Variants in WDR70 observed in about 807,000 individuals in gnomAD.
WDR70 encodes the protein WD repeat domain 70, also known as WD repeat-containing protein 70.
WDR70 carries 53 observed loss-of-function variants against 88.6 expected under a neutral mutation model. The observed-to-expected ratio is 0.60, with a 90% CI of 0.48 to 0.75. The LOEUF (loss-of-function observed/expected upper bound fraction) is 0.75, where lower values mean the gene tolerates loss of function less well. WDR70 is among the 30% of genes least tolerant of loss of function. The pLI, the probability that WDR70 is intolerant of heterozygous loss-of-function variation, is 0.00. For synonymous variants in WDR70, 280 were observed against 270.0 expected (o/e 1.04, Z -0.36); for missense variants, 610 against 823.2 (o/e 0.74, Z 3.17).
chr5:37,539,966 CA>C (rs1446396793), intron 9 of WDR70, among the ~76,000 whole-genome samples: 2 of 152,100 alleles, frequency 1.3e-5, no homozygotes, highest in Non-Finnish European at 2.9e-5. Context: ...TTGGAGATTT[CA>C]GTTGAAAAAA....
At chr5:37,689,266 G>A (rs924432681) in intron 10 of WDR70, among the ~76,000 whole-genome samples, 4 of 152,208 alleles carry the variant, frequency 2.6e-5, no homozygotes, top group Non-Finnish European at 4.4e-5. Flanking sequence ...GGGCATAGCT[G>A]AACAAAAGGC....
intron 13 of WDR70, 127 bp from the exon 14 acceptor site, chr5:37,720,988 G>C (rs1747794312): frequency 1.3e-6 from 1 of 761,850 alleles, no homozygotes; most frequent in Non-Finnish European, 2.2e-6. Flanking sequence ...AAAAGAAAAT[G>C]TCTGAAAGTT....
chr5:37,477,756 C>T (rs926251383), intron 7 of WDR70, among the ~76,000 whole-genome samples: 6 of 152,272 alleles, frequency 3.9e-5, no homozygotes, highest in African/African-American at 9.6e-5. Flanking sequence ...GAGATATTCT[C>T]CTCATCTCCT....
intron 17 of WDR70, among the ~76,000 whole-genome samples, chr5:37,728,030 A>C (rs905200261): frequency 6.6e-6 from 1 of 152,098 alleles, no homozygotes; most frequent in African/African-American, 2.4e-5. Flanking sequence ...AATTATCAAA[A>C]CTATAAAACT....
chr5:37,395,992 T>G (rs1288151358), intron 4 of WDR70, among the ~76,000 whole-genome samples: 1 of 152,040 alleles, frequency 6.6e-6, no homozygotes, highest in Admixed American at 6.6e-5. Flanking sequence ...AGAAACAGGG[T>G]CTCGTGATGT....
At chr5:37,603,743 G>A (rs938726341) in intron 9 of WDR70, among the ~76,000 whole-genome samples, 10 of 151,954 alleles carry the variant, frequency 6.6e-5, no homozygotes, top group African/African-American at 2.2e-4. Context: ...TTATCACATT[G>A]CTTTGATTTC....
At position 37,721,400 on chromosome 5, in the gene WDR70, C is replaced by G. The variant is rs1046499385; in HGVS notation, c.1517+185C>G. The G allele has an allele frequency of 8.3e-6, 5 of 601,286 alleles. No homozygotes were observed. In the Admixed American group the frequency reaches 1.2e-4, roughly 14 times the overall value. 37.2% of individuals were successfully genotyped at this position (601,286 alleles called of 1,614,324 possible). A position where few individuals can be genotyped will look rare whatever the true frequency, so the allele number is the denominator to read the frequency against. On this transcript the variant is annotated intron_variant, in intron 14 of 17. Coordinates refer to ENST00000265107, the MANE Select transcript of WDR70 (RefSeq NM_018034.4). Reference sequence around the variant, plus strand: ...CTTTAAAAAGGATTTGAATATTGCCCTTGATCCACACTGAATTCAAAGCGA... The same window carrying G: ...CTTTAAAAAGGATTTGAATATTGCCGTTGATCCACACTGAATTCAAAGCGA...
intron 13 of WDR70, among the ~76,000 whole-genome samples, chr5:37,720,735 G>T (rs1747784228): frequency 6.6e-6 from 1 of 152,198 alleles, no homozygotes; most frequent in Non-Finnish European, 1.5e-5. Flanking sequence ...GGGACATATT[G>T]TATGTGTGTA....
At chr5:37,690,818 C>G (rs1746769091) in intron 10 of WDR70, among the ~76,000 whole-genome samples, 1 of 152,144 alleles carries the variant, frequency 6.6e-6, no homozygotes, top group Non-Finnish European at 1.5e-5. Context: ...ACAGAATAAC[C>G]AGCTAACATC....
intron 5 of WDR70, among the ~76,000 whole-genome samples, chr5:37,408,620 A>C (rs1749427365): frequency 6.6e-6 from 1 of 152,304 alleles, no homozygotes; most frequent in East Asian, 1.9e-4. Context: ...TTCCAATACA[A>C]AGAATGGATG....
intron 9 of WDR70, among the ~76,000 whole-genome samples, chr5:37,522,959 G>C (rs993043552): frequency 3.9e-5 from 6 of 152,358 alleles, no homozygotes; most frequent in Middle Eastern, 3.4e-3. Flanking sequence ...GCTGAGGCTT[G>C]AGTAGGTAAA....
chr5:37,665,974 A>C (rs1354642006), intron 10 of WDR70, among the ~76,000 whole-genome samples: 1 of 152,186 alleles, frequency 6.6e-6, no homozygotes, highest in African/African-American at 2.4e-5. Flanking sequence ...CAGCGTTCAC[A>C]GACAGCTGGG....
chr5:37,498,605 G>T (rs1054149292), intron 8 of WDR70, among the ~76,000 whole-genome samples: 15 of 152,142 alleles, frequency 9.9e-5, no homozygotes, highest in African/African-American at 3.6e-4. Flanking sequence ...AAAGGAAATT[G>T]TGACTTTTCT....
intron 5 of WDR70, among the ~76,000 whole-genome samples, chr5:37,425,121 C>T (rs1384160368): frequency 6.6e-6 from 1 of 152,170 alleles, no homozygotes; most frequent in African/African-American, 2.4e-5. Context: ...TCATGCAGGC[C>T]TGTGGTCCCA....
At chr5:37,731,014 A>G (rs1007036178) in intron 17 of WDR70, among the ~76,000 whole-genome samples, 2 of 152,156 alleles carry the variant, frequency 1.3e-5, no homozygotes, top group Non-Finnish European at 2.9e-5. Context: ...TCAAGTGTGC[A>G]GTATCAAGCC....
At chr5:37,727,164 A>AT in intron 17 of WDR70, 119 bp downstream of exon 17, 2 of 1,256,504 alleles carry the variant, frequency 1.6e-6, no homozygotes, top group Non-Finnish European at 2.2e-6. Context: ...TAGATATGAA[A>AT]AATAGGCCAG....
At chr5:37,611,168 G>T (rs1744180266) in intron 10 of WDR70, among the ~76,000 whole-genome samples, 1 of 151,926 alleles carries the variant, frequency 6.6e-6, no homozygotes, top group Non-Finnish European at 1.5e-5. Context: ...CTTTTAGTGG[G>T]TTTTTTTGTT....
At chr5:37,523,481 T>C (rs1741160743) in intron 9 of WDR70, among the ~76,000 whole-genome samples, 2 of 152,238 alleles carry the variant, frequency 1.3e-5, no homozygotes, top group Middle Eastern at 6.8e-3. Context: ...CCCATCTGTA[T>C]GTCACCATCA....
intron 10 of WDR70, among the ~76,000 whole-genome samples, chr5:37,683,102 G>A (rs1746487189): frequency 6.6e-6 from 1 of 152,154 alleles, no homozygotes; most frequent in Non-Finnish European, 1.5e-5. Flanking sequence ...GTACTTCCTT[G>A]TCTTTTTTGA....
Sources: gnomAD v4.1 joint callset for allele counts (sites outside exome capture counted in the v4.1 genomes callset) on GRCh38, gnomAD v4.1.1 for gene constraint, MANE v1.5 for transcripts, NCBI Gene and HGNC (gene_info 2026-07-23, HGNC 2026-07-21) for gene names.